U2SURP: variants seen among roughly 807,000 people sequenced by gnomAD.
The protein encoded by U2SURP is U2 snRNP-associated SURP motif-containing protein.
U2SURP carries 9 observed loss-of-function variants against 144.9 expected under a neutral mutation model. The observed-to-expected ratio is 0.06, with a 90% confidence interval of 0.04 to 0.11. U2SURP has a LOEUF of 0.11. U2SURP is among the 10% of genes least tolerant of loss of function. The pLI is 1.00. For missense variants in U2SURP, 724 were observed against 1,226.7 expected, an observed-to-expected ratio of 0.59 and a Z score of 6.12; for synonymous variants, 408 against 396.8, an observed-to-expected ratio of 1.03 and a Z score of -0.33.
intron 6 of U2SURP, among the ~76,000 whole-genome samples, chr3:143,019,141 TTTG>T (rs1330015113): frequency 2.0e-5 from 3 of 152,174 alleles, no homozygotes; most frequent in Non-Finnish European, 4.4e-5. Flanking sequence ...TATTTGTATT[TTTG>T]TTGTTGAATC....
At chr3:143,004,249 T>C (rs553076516) in intron 1 of U2SURP, among the ~76,000 whole-genome samples, 10 of 152,252 alleles carry the variant, frequency 6.6e-5, no homozygotes, top group South Asian at 2.1e-4. Flanking sequence ...TTCTAGACAT[T>C]GGGAAAATGT....
chr3:143,007,586 T>C (rs1331557229), intron 1 of U2SURP, among the ~76,000 whole-genome samples: 1 of 151,604 alleles, frequency 6.6e-6, no homozygotes, highest in Non-Finnish European at 1.5e-5. Flanking sequence ...GGACTACAGG[T>C]GCCCGCCACC....
intron 2 of U2SURP, among the ~76,000 whole-genome samples, chr3:143,011,111 A>G (rs1320011610): frequency 6.6e-6 from 1 of 151,972 alleles, no homozygotes; most frequent in Non-Finnish European, 1.5e-5. Context: ...ATCTGTACAT[A>G]CATAACGTAT....
At position 143,018,677 on chromosome 3, in the gene U2SURP, G is replaced by GT. The variant is rs1439810955; in HGVS notation, c.571-1291dup. Among the ~76,000 whole-genome samples the GT allele has an allele frequency of 2.0e-5, 3 of 152,088 alleles. No individual in the cohort carries two copies. In the East Asian group the frequency reaches 5.8e-4, roughly 29 times the overall value. On this transcript the variant is annotated intron_variant, in intron 6 of 27. Coordinates refer to ENST00000473835, the MANE Select transcript of U2SURP (RefSeq NM_001080415.2). Reference sequence around the variant, plus strand: ...GTTGTATCACTTTACAGTTCCACCAGTAATGTATGAGGGTTCCAGTTTTCT... The same window carrying GT: ...GTTGTATCACTTTACAGTTCCACCAGTTAATGTATGAGGGTTCCAGTTTTCT...
chr3:143,018,091 T>C (rs551631524), intron 6 of U2SURP, among the ~76,000 whole-genome samples: 4 of 152,278 alleles, frequency 2.6e-5, no homozygotes, highest in African/African-American at 7.2e-5. Flanking sequence ...AAGTGTACAA[T>C]TGAGTGGTTT....
intron 1 of U2SURP, among the ~76,000 whole-genome samples, chr3:143,006,180 T>TA (rs1341027216): frequency 6.6e-5 from 10 of 152,350 alleles, no homozygotes; most frequent in African/African-American, 2.4e-4. Context: ...TTGAATAATT[T>TA]AAAAAATCAT....
At chr3:143,009,033 C>T (rs1299336910) in intron 1 of U2SURP, among the ~76,000 whole-genome samples, 1 of 152,242 alleles carries the variant, frequency 6.6e-6, no homozygotes, top group Non-Finnish European at 1.5e-5. Context: ...AGCCACTGCA[C>T]CTGGCCCAGG....
rs1934206127 is a variant in U2SURP at position 143,043,131 on chromosome 3, G to A, written c.2399G>A (p.Ser800Asn). The change falls in exon 24 of 28, where the codon AGT (serine) becomes AAT (asparagine). Residue 800 changes from serine (S) to asparagine (N), a missense_variant. Coordinates refer to ENST00000473835, the MANE Select transcript of U2SURP (RefSeq NM_001080415.2). ...EEENQNQEEE[S>N]EDEEDTQSSK... Reference sequence around the variant, plus strand: ...TGTTTCTAAAGTCAAGAAGAAGAAAGTGAAGATGAAGAAGATACTCAAAGT... The same window carrying A: ...TGTTTCTAAAGTCAAGAAGAAGAAAATGAAGATGAAGAAGATACTCAAAGT... 6.2e-7 allele frequency: 1 copy of A among 1,603,602 alleles called. No homozygotes were observed. Among genetic ancestry groups the A allele is most frequent in the Admixed American group, 1.7e-5 (1 of 58,810 alleles).
rs903169338 is a variant in U2SURP at position 143,010,854 on chromosome 3, G to A, written c.85G>A (p.Ala29Thr). Residue 29 changes from alanine (A) to threonine (T), a missense_variant, in exon 2 of 28, where the codon GCA becomes ACA. This residue lies in a region of U2SURP where 127 missense variants were observed against 98.2 expected (regional missense o/e 1.29). Coordinates refer to ENST00000473835, the MANE Select transcript of U2SURP (RefSeq NM_001080415.2). ...TGTTCATTCATCTGGATCTTCAGATGCACATGTGAGTATAGAAGGCAATCT... is the reference window on the plus strand; with the variant it reads ...TGTTCATTCATCTGGATCTTCAGATACACATGTGAGTATAGAAGGCAATCT... ...SDVHSSGSSD[A>T]HMDASGPSDS... The A allele has an allele frequency of 3.1e-6, 5 of 1,606,304 alleles. No individual in the cohort carries two copies. The Admixed American group carries it at 8.4e-5, about 27-fold the overall frequency.
chr3:143,047,987 A>G (rs929786845), intron 24 of U2SURP, among the ~76,000 whole-genome samples: 3 of 151,874 alleles, frequency 2.0e-5, no homozygotes, highest in Non-Finnish European at 4.4e-5. Flanking sequence ...TTATTCTACT[A>G]TTGTCCCCAT....
intron 24 of U2SURP, among the ~76,000 whole-genome samples, chr3:143,047,614 C>T (rs377592453): frequency 0.017 from 740 of 44,472 alleles, 132 homozygotes; most frequent in African/African-American, 0.049. Context: ...GGCGGCTGGC[C>T]GGGCAGGGGG....
intron 24 of U2SURP, 131 bp downstream of exon 24, chr3:143,043,407 A>G (rs569606990): frequency 6.1e-6 from 6 of 978,324 alleles, no homozygotes; most frequent in Non-Finnish European, 8.6e-6. Context: ...TTCATACCAG[A>G]TGACTTTTCT....
intron 17 of U2SURP, 137 bp downstream of exon 17, chr3:143,033,083 G>A: frequency 9.4e-7 from 1 of 1,060,728 alleles, no homozygotes; most frequent in Non-Finnish European, 1.3e-6. Flanking sequence ...TGGAAATTTA[G>A]GTTCATTAAC....
At chr3:143,046,438 T>A (rs1403939853) in intron 24 of U2SURP, among the ~76,000 whole-genome samples, 6 of 135,272 alleles carry the variant, frequency 4.4e-5, no homozygotes, top group Admixed American at 1.5e-4. Flanking sequence ...AACAAAGGTC[T>A]CTGGTTTTCC....
intron 1 of U2SURP, among the ~76,000 whole-genome samples, chr3:143,007,999 G>C (rs1935933571): frequency 6.6e-6 from 1 of 152,210 alleles, no homozygotes; most frequent in Non-Finnish European, 1.5e-5. Flanking sequence ...ATGTATCAGT[G>C]GAAAATGTCT....
chr3:143,056,271 G>A (rs1222514045), intron 27 of U2SURP, 41 bp from the exon 28 acceptor site: 8 of 1,561,242 alleles, frequency 5.1e-6, no homozygotes, highest in Non-Finnish European at 6.9e-6. Context: ...TTGATCACAT[G>A]AGTACTTTAT....
chr3:143,017,779 C>T (rs968798250), intron 6 of U2SURP, among the ~76,000 whole-genome samples: 9 of 152,038 alleles, frequency 5.9e-5, no homozygotes, highest in Admixed American at 2.6e-4. Flanking sequence ...TAGTCCCATG[C>T]CCAGCTAATT....
rs1174997694 is a variant in U2SURP at position 143,046,770 on chromosome 3, T to TC, written c.2544+3501dup. 4.0e-5 allele frequency among the ~76,000 whole-genome samples: 5 copies of TC among 126,548 alleles called. No homozygotes were observed. The South Asian group carries it at 8.0e-4, about 20-fold the overall frequency. 83.0% of individuals were successfully genotyped at this position (126,548 alleles called of 152,430 possible). A position where few individuals can be genotyped will look rare whatever the true frequency, so the allele number is the denominator to read the frequency against. On this transcript the variant is annotated intron_variant, in intron 24 of 27. Coordinates refer to ENST00000473835, the MANE Select transcript of U2SURP (RefSeq NM_001080415.2). Reference sequence around the variant, plus strand: ...GATTTCTCAATCTTTTCCCCACCTTTCCCCCCCTTCTATTCCACAAAACCG... The same window carrying TC: ...GATTTCTCAATCTTTTCCCCACCTTTCCCCCCCCTTCTATTCCACAAAACCG...
Position 143,028,601 on chromosome 3 carries a change from A to G in U2SURP, c.1565A>G (p.Glu522Gly). 6 of 1,605,516 alleles carry G rather than the reference A, an allele frequency of 3.7e-6. No individual in the cohort carries two copies. The highest frequency in any genetic ancestry group is 5.1e-6 in the Non-Finnish European group (6 of 1,177,766). ...LHGMSEEQET[E>G]AFVEEPSKKG... is the part of the protein sequence containing the mutation. ...GGAATGTCAGAAGAGCAAGAAACAG[A>G]AGCTTTTGTAGAGGAACCTAGTAAA... is the stretch of plus-strand genomic sequence containing the variant. Residue 522 changes from glutamate (E) to glycine (G), a missense_variant, in exon 16 of 28, where the codon GAA (glutamate) becomes GGA (glycine). By Grantham distance (98) the Glu-to-Gly change is moderately conservative. Around this residue, in one of 13 missense-constraint regions of U2SURP, gnomAD observed 66 missense variants for 95.0 expected, o/e 0.69. Coordinates refer to ENST00000473835, the MANE Select transcript of U2SURP (RefSeq NM_001080415.2).
Sources: gnomAD v4.1 joint callset for allele counts (sites outside exome capture counted in the v4.1 genomes callset) on GRCh38, gnomAD v4.1.1 for gene constraint, gnomAD v4.1.1 regional missense constraint, MANE v1.5 for transcripts, NCBI Gene and HGNC (gene_info 2026-07-23, HGNC 2026-07-21) for gene names.